Variants in PDZRN4 observed in about 807,000 individuals in gnomAD.
PDZRN4 encodes the protein PDZ domain containing ring finger 4.
Under a neutral mutation model 99.0 loss-of-function variants are expected in PDZRN4, and 70 were observed. That is an observed-to-expected ratio of 0.71 (90% CI 0.58 to 0.86). PDZRN4 has a LOEUF of 0.86. PDZRN4 is among the 40% of genes least tolerant of loss of function. PDZRN4 has a pLI of 0.00. For synonymous variants in PDZRN4, 551 were observed against 501.6 expected (o/e 1.10, Z -1.32); for missense variants, 1,474 against 1,331.2 (o/e 1.11, Z -1.67).
chr12:41,299,460 T>C (rs1365748318), intron 3 of PDZRN4, among the ~76,000 whole-genome samples: 2 of 152,088 alleles, frequency 1.3e-5, no homozygotes, highest in East Asian at 3.9e-4. Context: ...TGGTTCTGAG[T>C]TCACATCCAA....
At chr12:41,238,516 C>G (rs1951081912) in intron 3 of PDZRN4, among the ~76,000 whole-genome samples, 1 of 151,830 alleles carries the variant, frequency 6.6e-6, no homozygotes, top group Admixed American at 6.6e-5. Flanking sequence ...GGAACTTAAA[C>G]AAATTTAGAA....
intron 3 of PDZRN4, among the ~76,000 whole-genome samples, chr12:41,343,021 A>G (rs933465160): frequency 2.6e-5 from 4 of 151,986 alleles, no homozygotes; most frequent in Non-Finnish European, 5.9e-5. Flanking sequence ...GTTTATATAC[A>G]CAGTGAAACC....
chr12:41,311,349 C>T (rs1202136951), intron 3 of PDZRN4, among the ~76,000 whole-genome samples: 1 of 151,764 alleles, frequency 6.6e-6, no homozygotes, highest in African/African-American at 2.4e-5. Flanking sequence ...GAAAGTTAAT[C>T]AGCAATACAC....
chr12:41,390,099 C>G (rs532719104), intron 3 of PDZRN4, among the ~76,000 whole-genome samples: 3 of 152,010 alleles, frequency 2.0e-5, no homozygotes, highest in East Asian at 1.9e-4. Context: ...GATTAAAACC[C>G]TTTTTACAGT....
intron 3 of PDZRN4, among the ~76,000 whole-genome samples, chr12:41,362,852 T>C (rs1399342136): frequency 1.3e-5 from 2 of 152,090 alleles, no homozygotes; most frequent in Non-Finnish European, 2.9e-5. Context: ...AATTATGACT[T>C]TTATTAATCA....
At chr12:41,522,546 T>C (rs1193391950) in intron 5 of PDZRN4, among the ~76,000 whole-genome samples, 1 of 152,154 alleles carries the variant, frequency 6.6e-6, no homozygotes, top group African/African-American at 2.4e-5. Context: ...CAATTAGTTT[T>C]ACTATCTGAT....
intron 3 of PDZRN4, among the ~76,000 whole-genome samples, chr12:41,390,117 C>G (rs147038020): frequency 6.6e-6 from 1 of 151,892 alleles, no homozygotes; most frequent in Admixed American, 6.6e-5. Flanking sequence ...AGTTGAGGGC[C>G]GTGATAATTT....
At chr12:41,424,531 C>T (rs1414831506) in intron 3 of PDZRN4, among the ~76,000 whole-genome samples, 2 of 152,018 alleles carry the variant, frequency 1.3e-5, no homozygotes, top group Non-Finnish European at 2.9e-5. Context: ...GCTATTATGA[C>T]CTGTTACTTG....
intron 3 of PDZRN4, among the ~76,000 whole-genome samples, chr12:41,469,970 C>A (rs908136820): frequency 6.6e-6 from 1 of 151,966 alleles, no homozygotes; most frequent in African/African-American, 2.4e-5. Flanking sequence ...AAAATAAATG[C>A]TTCATAAAAT....
intron 3 of PDZRN4, among the ~76,000 whole-genome samples, chr12:41,329,239 T>C (rs17573404): frequency 0.1 from 15,424 of 152,144 alleles, 831 homozygotes; most frequent in Middle Eastern, 0.13. Flanking sequence ...GTTGCTTGTA[T>C]TGCACACACC....
chr12:41,474,294 T>C (rs1953020062), intron 3 of PDZRN4, among the ~76,000 whole-genome samples: 1 of 152,196 alleles, frequency 6.6e-6, no homozygotes, highest in Non-Finnish European at 1.5e-5. Context: ...GAAAATGAGA[T>C]CCAGAGAGGT....
intron 3 of PDZRN4, among the ~76,000 whole-genome samples, chr12:41,328,111 A>G (rs757693904): frequency 6.6e-6 from 1 of 152,058 alleles, no homozygotes; most frequent in Non-Finnish European, 1.5e-5. Flanking sequence ...TTAACTATGC[A>G]CTATAAAAGA....
At chr12:41,347,189 G>A (rs1356739330) in intron 3 of PDZRN4, among the ~76,000 whole-genome samples, 2 of 151,916 alleles carry the variant, frequency 1.3e-5, no homozygotes, top group African/African-American at 4.8e-5. Context: ...TGGGTCCTGA[G>A]GTTAAACTCT....
intron 3 of PDZRN4, among the ~76,000 whole-genome samples, chr12:41,475,562 T>A (rs1276603472): frequency 1.3e-5 from 2 of 152,200 alleles, no homozygotes; most frequent in Non-Finnish European, 2.9e-5. Flanking sequence ...AAAATTCTCA[T>A]AAGAACATTC....
intron 3 of PDZRN4, among the ~76,000 whole-genome samples, chr12:41,353,902 T>A (rs985664809): frequency 5.3e-5 from 8 of 152,110 alleles, no homozygotes; most frequent in Non-Finnish European, 1.2e-4. Flanking sequence ...GCCTAAGGAG[T>A]TTGAACTTCA....
chr12:41,348,204 T>C (rs1026133751), intron 3 of PDZRN4, among the ~76,000 whole-genome samples: 5 of 152,126 alleles, frequency 3.3e-5, no homozygotes, highest in Admixed American at 1.3e-4. Context: ...CACTTGTATT[T>C]AGGTTTCTGG....
intron 3 of PDZRN4, among the ~76,000 whole-genome samples, chr12:41,403,974 C>T (rs886780612): frequency 1.3e-5 from 2 of 151,994 alleles, no homozygotes; most frequent in Non-Finnish European, 2.9e-5. Flanking sequence ...GCTGCAGGAA[C>T]CCTCAGGGAT....
intron 3 of PDZRN4, among the ~76,000 whole-genome samples, chr12:41,489,679 T>G (rs961611431): frequency 1.7e-4 from 26 of 152,076 alleles, no homozygotes; most frequent in African/African-American, 6.0e-4. Flanking sequence ...TCCAGGTTTT[T>G]TTTTTTTTTT....
intron 3 of PDZRN4, among the ~76,000 whole-genome samples, chr12:41,222,848 A>G (rs1950967054): frequency 6.6e-6 from 1 of 152,148 alleles, no homozygotes; most frequent in Non-Finnish European, 1.5e-5. Flanking sequence ...TTATAGCTCT[A>G]TAGAACTACT....
Sources: gnomAD v4.1 joint callset for allele counts (sites outside exome capture counted in the v4.1 genomes callset) on GRCh38, gnomAD v4.1.1 for gene constraint, MANE v1.5 for transcripts, NCBI Gene and HGNC (gene_info 2026-07-23, HGNC 2026-07-21) for gene names.